Variants in GYPC observed in about 807,000 individuals in gnomAD.
GYPC encodes the protein glycophorin C (Gerbich blood group).
A neutral mutation model predicts 12.6 loss-of-function variants in GYPC; 14 were observed. The observed-to-expected ratio is 1.11, with a 90% CI of 0.74 to 1.74. The LOEUF (loss-of-function observed/expected upper bound fraction) is 1.74, where lower values mean the gene tolerates loss of function less well. GYPC is among the 40% of genes most tolerant of loss of function. The probability of loss-of-function intolerance (pLI) is 0.00; values close to 1 mark genes in which losing one functional copy is unlikely to be tolerated. For synonymous variants in GYPC, 78 were observed against 62.1 expected, an observed-to-expected ratio of 1.26 and a Z score of -1.20; for missense variants, 225 against 172.1, an observed-to-expected ratio of 1.31 and a Z score of -1.72.
chr2:126,666,899 G>A (rs1296359048), intron 1 of GYPC, among the ~76,000 whole-genome samples: 1 of 152,156 alleles, frequency 6.6e-6, no homozygotes, highest in African/African-American at 2.4e-5. Context: ...CAGGCATTTG[G>A]TGCATGGATC....
chr2:126,696,278 A>C lies in GYPC; in HGVS notation c.*136A>C. On this transcript the variant is annotated 3_prime_UTR_variant, in exon 4 of 4. Transcript: ENST00000259254. ...GATTCTTCCCGAGATAGCCACCTGG[A>C]AACACTAGGTGCCTGCCCAGGGAGG... 2 of 744,222 alleles carry C rather than the reference A, an allele frequency of 2.7e-6. No homozygotes were observed. Among genetic ancestry groups the C allele is most frequent in the South Asian group, 3.0e-5 (2 of 66,398 alleles). The allele number at this position is 744,222 out of a possible 1,614,324, so 46.1% of individuals were successfully genotyped here.
In GYPC at chr2:126,693,949, T is replaced by A. The variant is rs1203169294; in HGVS notation, c.190+2T>A. Reference sequence around the variant, plus strand: ...TAATGGACATTGTCGTCATTGCAGGTGAGCTCTCATCACAGAGCCCTTCAA... The same window carrying A: ...TAATGGACATTGTCGTCATTGCAGGAGAGCTCTCATCACAGAGCCCTTCAA... On this transcript the variant is annotated splice_donor_variant, in intron 3 of 3. Coordinates refer to ENST00000259254, the MANE Select transcript of GYPC (RefSeq NM_002101.5). LOFTEE classifies it high-confidence loss of function. The A allele has an allele frequency of 6.3e-6, 10 of 1,595,460 alleles. No individual in the cohort carries two copies. The highest frequency in any genetic ancestry group is 8.6e-6 in the Non-Finnish European group (10 of 1,163,126).
In GYPC at chr2:126,685,880, G is replaced by A. The variant is rs1258659228; in HGVS notation, c.50-4375G>A. On this transcript the variant is annotated intron_variant, in intron 1 of 3. Transcript: ENST00000259254. ...CCTGCATTTCCTGTCATGATTTTGA[G>A]GCTGAAATCATCTTCCTCCTCCCAG... 6 of 985,206 alleles carry A rather than the reference G, an allele frequency of 6.1e-6. No homozygotes were observed. In the East Asian group the frequency reaches 3.4e-4, roughly 56 times the overall value. The allele number at this position is 985,206 out of a possible 1,614,324, so 61.0% of individuals were successfully genotyped here. A position where few individuals can be genotyped will look rare whatever the true frequency, so the allele number is the denominator to read the frequency against.
At chr2:126,681,362 A>G (rs1444774944) in intron 1 of GYPC, among the ~76,000 whole-genome samples, 1 of 152,164 alleles carries the variant, frequency 6.6e-6, no homozygotes, top group East Asian at 1.9e-4. Context: ...CATAATTGAC[A>G]TAACCAATGC....
At chr2:126,688,887 A>G in intron 1 of GYPC, among the ~76,000 whole-genome samples, 1 of 151,626 alleles carries the variant, frequency 6.6e-6, no homozygotes, top group Non-Finnish European at 1.5e-5. Flanking sequence ...GACTATTATG[A>G]AGCATCCTTC....
chr2:126,693,731 G>A (rs187917972), intron 2 of GYPC, 133 bp from the exon 3 acceptor site: 62 of 748,804 alleles, frequency 8.3e-5, no homozygotes, highest in East Asian at 2.8e-4. Flanking sequence ...TGGGTGCGCC[G>A]CACTGCTCCT....
chr2:126,694,828 A>T (rs1426431681), intron 3 of GYPC, among the ~76,000 whole-genome samples: 1 of 150,236 alleles, frequency 6.7e-6, no homozygotes, highest in Non-Finnish European at 1.5e-5. Context: ...TGCAGCTTCA[A>T]AGTAAATGCC....
chr2:126,687,413 C>T (rs1683322164), intron 1 of GYPC, among the ~76,000 whole-genome samples: 1 of 152,196 alleles, frequency 6.6e-6, no homozygotes, highest in Non-Finnish European at 1.5e-5. Flanking sequence ...TTCTAACAGG[C>T]TCCCAGAGGA....
intron 1 of GYPC, among the ~76,000 whole-genome samples, chr2:126,664,817 C>T (rs1394728605): frequency 6.6e-6 from 1 of 152,196 alleles, no homozygotes; most frequent in Non-Finnish European, 1.5e-5. Context: ...GGTTCCTTAG[C>T]AGTTCTGTCT....
chr2:126,661,253 G>T (rs1682527697), intron 1 of GYPC, among the ~76,000 whole-genome samples: 1 of 152,082 alleles, frequency 6.6e-6, no homozygotes, highest in East Asian at 1.9e-4. Context: ...GGTGAGGGGT[G>T]CCTGCCTCGC....
intron 1 of GYPC, among the ~76,000 whole-genome samples, chr2:126,663,958 C>CTCTG (rs1298521875): frequency 3.4e-4 from 4 of 11,896 alleles, no homozygotes; most frequent in African/African-American, 6.4e-4. Context: ...TGGTCTCTCT[C>CTCTG]TCTCTCTCTC....
intron 1 of GYPC, chr2:126,675,642 T>C (rs1682976529): frequency 1.0e-6 from 1 of 979,660 alleles, no homozygotes; most frequent in Non-Finnish European, 1.2e-6. Context: ...AGAATCCCCT[T>C]CTCTATGACC....
At chr2:126,664,667 C>T (rs1682629917) in intron 1 of GYPC, among the ~76,000 whole-genome samples, 1 of 152,242 alleles carries the variant, frequency 6.6e-6, no homozygotes, top group Non-Finnish European at 1.5e-5. Context: ...AGGTAAAGCA[C>T]CTTGGCCCAT....
intron 1 of GYPC, 105 bp downstream of exon 1, chr2:126,656,417 G>T (rs1682357554): frequency 2.0e-6 from 2 of 978,118 alleles, no homozygotes; most frequent in Middle Eastern, 3.2e-4. Context: ...GTCCCGGTCC[G>T]TGCCGGGCCT....
At position 126,681,629 on chromosome 2, in the gene GYPC, C is replaced by A. The variant is rs575448857; in HGVS notation, c.50-8626C>A. 1.6e-4 allele frequency among the ~76,000 whole-genome samples: 25 copies of A among 152,170 alleles called. 2 individuals are homozygous for A. The highest frequency in any genetic ancestry group is 1.5e-3 in the Admixed American group (23 of 15,296). On this transcript the variant is annotated intron_variant, in intron 1 of 3. Coordinates refer to ENST00000259254, the MANE Select transcript of GYPC (RefSeq NM_002101.5). The stretch of plus-strand genomic sequence containing the variant: ...ATAATTAATATTCAAATAGCCTGAC[C>A]TATGTCAGGCACTGTGTACCACAAA...
At chr2:126,683,088 C>T (rs1191899060) in intron 1 of GYPC, among the ~76,000 whole-genome samples, 4 of 152,138 alleles carry the variant, frequency 2.6e-5, no homozygotes, top group East Asian at 1.9e-4. Flanking sequence ...GAGGCCAAGG[C>T]GGGCGGATCA....
chr2:126,674,798 C>T (rs1682950096), intron 1 of GYPC, among the ~76,000 whole-genome samples: 1 of 152,060 alleles, frequency 6.6e-6, no homozygotes, highest in Non-Finnish European at 1.5e-5. Flanking sequence ...ACCCCTGCCA[C>T]ACACACACAC....
intron 1 of GYPC, chr2:126,658,302 G>T (rs974759405): frequency 2.6e-5 from 4 of 152,282 alleles, no homozygotes; most frequent in Non-Finnish European, 4.4e-5. Flanking sequence ...CCTTCCAAGG[G>T]TGCCCGTGGT....
intron 1 of GYPC, among the ~76,000 whole-genome samples, chr2:126,681,300 G>GT (rs1049665175): frequency 2.6e-5 from 4 of 152,136 alleles, no homozygotes; most frequent in African/African-American, 9.7e-5. Context: ...CTGTTGCTAA[G>GT]TTCACGTGCA....
Sources: gnomAD v4.1 joint callset for allele counts (sites outside exome capture counted in the v4.1 genomes callset) on GRCh38, gnomAD v4.1.1 for gene constraint, MANE v1.5 for transcripts, NCBI Gene and HGNC (gene_info 2026-07-23, HGNC 2026-07-21) for gene names.